The following PLPPR1 variants were observed in gnomAD, a reference collection of about 807,000 sequenced individuals.
PLPPR1 encodes phospholipid phosphatase-related protein type 1.
In PLPPR1, 10 loss-of-function variants were observed where a neutral mutation model predicts 33.1. That is an observed-to-expected ratio of 0.30 (90% CI 0.19 to 0.51). PLPPR1 has a LOEUF of 0.51. Among genes scored for constraint, PLPPR1 ranks in the 20% least tolerant of loss-of-function variants. The pLI is 0.97. For synonymous variants in PLPPR1, 151 were observed against 151.0 expected (o/e 1.00, Z 0.00); for missense variants, 304 against 408.1 (o/e 0.74, Z 2.20).
Position 101,079,738 on chromosome 9 carries a change from C to T in PLPPR1, c.-46+50636C>T, listed in dbSNP as rs538043489. Among the ~76,000 whole-genome samples, 182 of 152,226 alleles carry T rather than the reference C, an allele frequency of 1.2e-3. 1 individual carries two copies. The highest frequency in any genetic ancestry group is 4.1e-3 in the African/African-American group (172 of 41,556). The stretch of plus-strand genomic sequence containing the variant: ...GGGATTACAGGTGTGCGCCACAACA[C>T]CTGGCTAATTTTTGTATTTTTAGTA... On this transcript the variant is annotated intron_variant, in intron 1 of 7. Transcript: ENST00000374874.
intron 1 of PLPPR1, among the ~76,000 whole-genome samples, chr9:101,143,789 G>A (rs1831486032): frequency 1.3e-5 from 2 of 152,204 alleles, no homozygotes; most frequent in Admixed American, 1.3e-4. Context: ...AACAGATGCT[G>A]GAGAGGATGT....
intron 1 of PLPPR1, among the ~76,000 whole-genome samples, chr9:101,053,229 C>A (rs537196982): frequency 1.6e-4 from 25 of 152,164 alleles, no homozygotes; most frequent in Non-Finnish European, 2.6e-4. Flanking sequence ...ATCACTGGAG[C>A]CTGAAAACCA....
At chr9:101,045,923 C>T (rs943372519) in intron 1 of PLPPR1, among the ~76,000 whole-genome samples, 1 of 152,202 alleles carries the variant, frequency 6.6e-6, no homozygotes, top group Non-Finnish European at 1.5e-5. Context: ...CAGTTATCTT[C>T]CCCTTTCCTT....
chr9:101,149,743 A>G (rs1241028752), intron 1 of PLPPR1, among the ~76,000 whole-genome samples: 5 of 152,086 alleles, frequency 3.3e-5, no homozygotes, highest in Non-Finnish European at 5.9e-5. Flanking sequence ...TCCATAGAAT[A>G]TTTTTTATCT....
At position 101,196,101 on chromosome 9, in the gene PLPPR1, TATCA is replaced by T. The variant is rs574736622; in HGVS notation, c.63+10546_63+10549del. Among the ~76,000 whole-genome samples the T allele has an allele frequency of 1.3e-4, 20 of 152,286 alleles. 1 individual carries two copies. The South Asian group carries it at 3.5e-3, about 27-fold the overall frequency. Reference sequence around the variant, plus strand: ...TGAATTAATCCCTCTTTGAATATAATATCAACCAGTCTAGACCATCATTGATATG... The same window carrying T: ...TGAATTAATCCCTCTTTGAATATAATACCAGTCTAGACCATCATTGATATG... On this transcript the variant is annotated intron_variant, in intron 2 of 7. Transcript: ENST00000374874.
intron 1 of PLPPR1, among the ~76,000 whole-genome samples, chr9:101,047,807 C>T (rs74687770): frequency 0.016 from 2,370 of 152,258 alleles, 64 homozygotes; most frequent in African/African-American, 0.054. Context: ...AAACAGTAGT[C>T]TGTTTTGAAT....
intron 1 of PLPPR1, among the ~76,000 whole-genome samples, chr9:101,152,830 C>A (rs965685813): frequency 6.6e-6 from 1 of 152,122 alleles, no homozygotes; most frequent in African/African-American, 2.4e-5. Flanking sequence ...AGTCAGGTAG[C>A]GTGTTGCCTC....
At chr9:101,067,150 T>G (rs1830428398) in intron 1 of PLPPR1, among the ~76,000 whole-genome samples, 1 of 152,012 alleles carries the variant, frequency 6.6e-6, no homozygotes, top group South Asian at 2.1e-4. Context: ...AGGTCATAAA[T>G]TTTTTTCCTG....
intron 2 of PLPPR1, among the ~76,000 whole-genome samples, chr9:101,226,305 A>G (rs1454288462): frequency 6.6e-6 from 1 of 152,056 alleles, no homozygotes; most frequent in Non-Finnish European, 1.5e-5. Flanking sequence ...TTTCAATACC[A>G]AGCAAGTAGC....
chr9:101,123,745 A>G (rs906417500), intron 1 of PLPPR1, among the ~76,000 whole-genome samples: 60 of 152,188 alleles, frequency 3.9e-4, no homozygotes, highest in African/African-American at 1.4e-3. Context: ...AATACAATCA[A>G]TGCTGGGAGA....
intron 1 of PLPPR1, among the ~76,000 whole-genome samples, chr9:101,044,146 G>T (rs1452426853): frequency 2.0e-5 from 3 of 152,098 alleles, no homozygotes; most frequent in Non-Finnish European, 2.9e-5. Flanking sequence ...GAATCTACAA[G>T]GAACGCAAAC....
chr9:101,231,316 G>A (rs983824543), intron 2 of PLPPR1, among the ~76,000 whole-genome samples: 1 of 149,470 alleles, frequency 6.7e-6, no homozygotes, highest in African/African-American at 2.4e-5. Flanking sequence ...AGAGCAGTGG[G>A]AACCATCTGT....
chr9:101,098,030 T>A (rs1328768058), intron 1 of PLPPR1, among the ~76,000 whole-genome samples: 1 of 130,148 alleles, frequency 7.7e-6, no homozygotes, highest in Non-Finnish European at 1.8e-5. Context: ...ATGGTGGTGC[T>A]TTTTTTCCCC....
intron 1 of PLPPR1, among the ~76,000 whole-genome samples, chr9:101,180,286 A>G (rs1826087885): frequency 6.6e-6 from 1 of 150,912 alleles, no homozygotes; most frequent in African/African-American, 2.4e-5. Flanking sequence ...GATTAATACA[A>G]TTAAGAAATT....
intron 1 of PLPPR1, among the ~76,000 whole-genome samples, chr9:101,049,160 A>G (rs1830190056): frequency 6.6e-6 from 1 of 152,254 alleles, no homozygotes; most frequent in Non-Finnish European, 1.5e-5. Context: ...GTGAATTACT[A>G]TAACAGTTTT....
At chr9:101,187,172 T>G (rs943823309) in intron 2 of PLPPR1, 6 of 151,956 alleles carry the variant, frequency 3.9e-5, no homozygotes, top group Non-Finnish European at 1.5e-5. Flanking sequence ...TGAAAAATAA[T>G]TTTTTAAGTA....
rs1829071704 is a variant in PLPPR1, at chr9:101,317,245, C to T, written c.814-120C>T. 5 of 1,075,238 alleles carry T rather than the reference C, an allele frequency of 4.7e-6. No homozygotes were observed. The South Asian group carries it at 7.9e-5, about 17-fold the overall frequency. 66.6% of individuals were successfully genotyped at this position (1,075,238 alleles called of 1,614,324 possible). A position where few individuals can be genotyped will look rare whatever the true frequency, so the allele number is the denominator to read the frequency against. On this transcript the variant is annotated intron_variant, in intron 6 of 7. Coordinates refer to ENST00000374874, the MANE Select transcript of PLPPR1 (RefSeq NM_207299.2). Reference sequence around the variant, plus strand: ...ACTTCCCATAGTCCCTTTCCCCTCTCTCAAAGGAAAAAGGTCACTCTGGTG... The same window carrying T: ...ACTTCCCATAGTCCCTTTCCCCTCTTTCAAAGGAAAAAGGTCACTCTGGTG...
intron 1 of PLPPR1, among the ~76,000 whole-genome samples, chr9:101,112,135 CT>C (rs1276222566): frequency 3.3e-5 from 5 of 152,156 alleles, no homozygotes; most frequent in Non-Finnish European, 7.4e-5. Flanking sequence ...ATTTAAACAT[CT>C]TACCTGCGTA....
intron 2 of PLPPR1, among the ~76,000 whole-genome samples, chr9:101,204,926 G>C (rs1826560966): frequency 2.0e-5 from 3 of 152,084 alleles, no homozygotes; most frequent in Non-Finnish European, 4.4e-5. Flanking sequence ...TATATGGTGT[G>C]GACGGGGAGG....
Sources: gnomAD v4.1 joint callset for allele counts (sites outside exome capture counted in the v4.1 genomes callset) on GRCh38, gnomAD v4.1.1 for gene constraint, MANE v1.5 for transcripts, NCBI Gene and HGNC (gene_info 2026-07-23, HGNC 2026-07-21) for gene names.